Variants in SRPK2 observed in about 807,000 individuals in gnomAD.
SRPK2 encodes the protein SFRS protein kinase 2.
A neutral mutation model predicts 90.8 loss-of-function variants in SRPK2; 21 were observed. That is an observed-to-expected ratio of 0.23 (90% CI 0.16 to 0.33). The LOEUF (loss-of-function observed/expected upper bound fraction) is 0.33, where lower values mean the gene tolerates loss of function less well. Among genes scored for constraint, SRPK2 ranks in the 10% least tolerant of loss-of-function variants. The probability of loss-of-function intolerance (pLI) is 1.00; values close to 1 mark genes in which losing one functional copy is unlikely to be tolerated. For missense variants in SRPK2, 620 were observed against 869.0 expected (o/e 0.71, Z 3.60); for synonymous variants, 288 against 311.1 (o/e 0.93, Z 0.78).
At chr7:105,161,618 G>C (rs1807673796) in intron 6 of SRPK2, among the ~76,000 whole-genome samples, 1 of 152,140 alleles carries the variant, frequency 6.6e-6, no homozygotes, top group South Asian at 2.1e-4. Context: ...TCAGCCTGAT[G>C]AAACAGGCAA....
rs1443269645 is a variant in SRPK2, at chr7:105,299,791, G to A, written c.71+88857C>T. Among the ~76,000 whole-genome samples, 8 of 152,298 alleles carry A rather than the reference G, an allele frequency of 5.3e-5. No homozygotes were observed. In the South Asian group the frequency reaches 1.5e-3, roughly 28 times the overall value. On this transcript the variant is annotated intron_variant, in intron 2 of 15. Transcript: ENST00000393651. ...TGCCTGTAATCTCAGCTACCTGGGA[G>A]GCTGAGGCAGGAGAATCGCTTGAAC... is the stretch of plus-strand genomic sequence containing the variant.
chr7:105,372,745 T>C (rs1819843303), intron 2 of SRPK2, among the ~76,000 whole-genome samples: 1 of 152,146 alleles, frequency 6.6e-6, no homozygotes, highest in Non-Finnish European at 1.5e-5. Context: ...TATTTGAATA[T>C]ATGTAATAAT....
chr7:105,181,971 G>A (rs1293816488), intron 3 of SRPK2, among the ~76,000 whole-genome samples: 2 of 151,402 alleles, frequency 1.3e-5, no homozygotes, highest in African/African-American at 4.8e-5. Flanking sequence ...GCTCACGCCT[G>A]TAATCCCAGC....
chr7:105,269,681 G>A (rs1805572003), intron 2 of SRPK2, among the ~76,000 whole-genome samples: 1 of 152,162 alleles, frequency 6.6e-6, no homozygotes, highest in Admixed American at 6.5e-5. Flanking sequence ...AGACTAAAAG[G>A]GAAGGAAGGG....
upstream of SRPK2, chr7:105,389,226 G>A: frequency 8.2e-7 from 1 of 1,216,686 alleles, no homozygotes; most frequent in Non-Finnish European, 1.0e-6. Flanking sequence ...TCCCCGCCGC[G>A]GCCTCTCCCC....
chr7:105,213,208 A>G (rs1190841923), intron 2 of SRPK2, among the ~76,000 whole-genome samples: 1 of 152,214 alleles, frequency 6.6e-6, no homozygotes, highest in Non-Finnish European at 1.5e-5. Flanking sequence ...CAGAGAATAG[A>G]GCAGGTGGAT....
chr7:105,381,794 A>C (rs944979843), intron 2 of SRPK2, among the ~76,000 whole-genome samples: 25 of 152,350 alleles, frequency 1.6e-4, no homozygotes, highest in Non-Finnish European at 2.6e-4. Flanking sequence ...ATGAGCTTGA[A>C]TTTATACTAC....
intron 2 of SRPK2, among the ~76,000 whole-genome samples, chr7:105,315,237 CT>C (rs1812187364): frequency 6.6e-6 from 1 of 152,162 alleles, no homozygotes; most frequent in African/African-American, 2.4e-5. Flanking sequence ...TTTTATTTTA[CT>C]GCAAAAGACC....
chr7:105,125,899 A>C (rs1475957729), intron 15 of SRPK2: 4 of 1,188,740 alleles, frequency 3.4e-6, no homozygotes, highest in Non-Finnish European at 4.5e-6. Flanking sequence ...ATTGCCAGCA[A>C]AACAGAAACA....
intron 2 of SRPK2, among the ~76,000 whole-genome samples, chr7:105,215,408 G>T (rs1797340982): frequency 6.6e-6 from 1 of 152,200 alleles, no homozygotes; most frequent in Admixed American, 6.5e-5. Context: ...ATGGAAAATG[G>T]TGCAGCCAGT....
chr7:105,130,278 C>T (rs75989007), intron 13 of SRPK2, among the ~76,000 whole-genome samples: 1,602 of 152,270 alleles, frequency 0.011, 22 homozygotes, highest in African/African-American at 0.037. Context: ...CAGCCGGGCA[C>T]AGTGTCACAT....
At chr7:105,214,385 G>A (rs1029287037) in intron 2 of SRPK2, among the ~76,000 whole-genome samples, 1 of 152,130 alleles carries the variant, frequency 6.6e-6, no homozygotes. Flanking sequence ...TCAGTATATA[G>A]CCATTTTAAA....
At position 105,127,541 on chromosome 7, in the gene SRPK2, A is replaced by G. The variant is rs143447913; in HGVS notation, c.1753-479T>C. ...GACTATTTTCAGTATCTCATCAACC[A>G]TTTTCATCATCATTTCATTCATTTC... On this transcript the variant is annotated intron_variant, in intron 13 of 15. Coordinates refer to ENST00000393651, the MANE Select transcript of SRPK2 (RefSeq NM_182692.3). 5.9e-5 allele frequency among the ~76,000 whole-genome samples: 9 copies of G among 152,252 alleles called. No homozygotes were observed. The East Asian group carries it at 1.7e-3, about 29-fold the overall frequency.
At chr7:105,267,039 G>A (rs901978225) in intron 2 of SRPK2, among the ~76,000 whole-genome samples, 1 of 152,100 alleles carries the variant, frequency 6.6e-6, no homozygotes, top group African/African-American at 2.4e-5. Context: ...CATAAATTAA[G>A]TAATCTCTGG....
intron 2 of SRPK2, among the ~76,000 whole-genome samples, chr7:105,224,956 G>A (rs768124193): frequency 3.3e-5 from 5 of 152,082 alleles, no homozygotes; most frequent in South Asian, 2.1e-4. Flanking sequence ...ATATTAAATC[G>A]AAAACTTCCC....
intron 9 of SRPK2, among the ~76,000 whole-genome samples, chr7:105,144,339 C>T (rs866216412): frequency 4.6e-5 from 7 of 151,528 alleles, no homozygotes; most frequent in African/African-American, 1.7e-4. Flanking sequence ...CTCCTGGGCT[C>T]AAGTGATTCT....
At chr7:105,296,691 T>TC (rs1230952421) in intron 2 of SRPK2, among the ~76,000 whole-genome samples, 3 of 152,158 alleles carry the variant, frequency 2.0e-5, no homozygotes, top group Non-Finnish European at 2.9e-5. Context: ...TATTTAAATA[T>TC]CTGAGGAAAG....
chr7:105,248,313 A>G (rs1801992022), intron 2 of SRPK2, among the ~76,000 whole-genome samples: 1 of 152,068 alleles, frequency 6.6e-6, no homozygotes. Context: ...GAACTGGATT[A>G]GGGGTGGTGG....
At chr7:105,216,108 T>C (rs1288102367) in intron 2 of SRPK2, among the ~76,000 whole-genome samples, 1 of 151,786 alleles carries the variant, frequency 6.6e-6, no homozygotes, top group African/African-American at 2.4e-5. Context: ...TGGTTGATGG[T>C]TGCACAACTC....
Sources: gnomAD v4.1 joint callset for allele counts (sites outside exome capture counted in the v4.1 genomes callset) on GRCh38, gnomAD v4.1.1 for gene constraint, MANE v1.5 for transcripts, NCBI Gene and HGNC (gene_info 2026-07-23, HGNC 2026-07-21) for gene names.